CSMD1: variants seen among roughly 807,000 people sequenced by gnomAD.
The protein encoded by CSMD1 is CUB and sushi domain-containing protein 1.
CSMD1 carries 213 observed loss-of-function variants against 417.5 expected under a neutral mutation model. That is an observed-to-expected ratio of 0.51 (90% CI 0.46 to 0.57). The LOEUF is 0.57. Among genes scored for constraint, CSMD1 ranks in the 20% least tolerant of loss-of-function variants. The probability of loss-of-function intolerance (pLI) is 0.00; values close to 1 mark genes in which losing one functional copy is unlikely to be tolerated. For missense variants in CSMD1, 6,923 were observed against 4,529.7 expected (o/e 1.53, Z -15.17); for synonymous variants, 2,862 against 1,736.8 (o/e 1.65, Z -16.11).
chr8:4,597,758 T>G (rs1186210608), intron 2 of CSMD1, among the ~76,000 whole-genome samples: 1 of 152,098 alleles, frequency 6.6e-6, no homozygotes, highest in Non-Finnish European at 1.5e-5. Context: ...TACTTCAGTT[T>G]AAAAAGTAAT....
intron 29 of CSMD1, among the ~76,000 whole-genome samples, chr8:3,216,015 C>G (rs923846260): frequency 6.7e-6 from 1 of 148,790 alleles, no homozygotes; most frequent in African/African-American, 2.4e-5. Context: ...ACTATATTTC[C>G]TATATAATTT....
chr8:4,170,630 A>AT (rs1797717745), intron 3 of CSMD1, among the ~76,000 whole-genome samples: 1 of 151,864 alleles, frequency 6.6e-6, no homozygotes, highest in African/African-American at 2.4e-5. Flanking sequence ...GGTGGAAAAC[A>AT]TTTGTTTTAT....
chr8:2,969,238 T>C (rs1334233966), intron 57 of CSMD1, among the ~76,000 whole-genome samples: 1 of 152,216 alleles, frequency 6.6e-6, no homozygotes, highest in Admixed American at 6.5e-5. Context: ...TTGTAGCTTA[T>C]GCTATTGTTA....
chr8:2,942,522 A>G lies in CSMD1; in HGVS notation c.10485T>C (p.Pro3495=), dbSNP rs751450586. ...ACCCTGATAAAATTAGAGCAAAGAAAGGAACCAGAATGGCAGCCGCCACAG... is the reference window on the plus strand; with the variant it reads ...ACCCTGATAAAATTAGAGCAAAGAAGGGAACCAGAATGGCAGCCGCCACAG... The part of the protein sequence containing the change: ...SGSVAAAILV[P]FFALILSGFA... Residue 3495 remains proline, a synonymous_variant, in exon 69 of 70, where the codon CCT becomes CCC. Transcript: ENST00000635120. The G allele has an allele frequency of 1.2e-6, 2 of 1,612,206 alleles. No individual in the cohort carries two copies. The highest frequency in any genetic ancestry group is 2.2e-5 in the South Asian group (2 of 90,662).
At chr8:4,440,877 G>C (rs997849767) in intron 2 of CSMD1, among the ~76,000 whole-genome samples, 1 of 151,348 alleles carries the variant, frequency 6.6e-6, no homozygotes, top group African/African-American at 2.4e-5. Flanking sequence ...AATGCCTATA[G>C]TCCCAGCTAC....
At chr8:4,299,878 C>T (rs1452405346) in intron 3 of CSMD1, among the ~76,000 whole-genome samples, 1 of 152,134 alleles carries the variant, frequency 6.6e-6, no homozygotes, top group Admixed American at 6.5e-5. Context: ...ATCTGCCCAC[C>T]TCAGCCTCCC....
chr8:3,995,879 G>A (rs1815175444), intron 5 of CSMD1, among the ~76,000 whole-genome samples: 1 of 152,190 alleles, frequency 6.6e-6, no homozygotes, highest in African/African-American at 2.4e-5. Context: ...AGTTCCCACT[G>A]ATAACTTTCC....
chr8:3,500,485 G>A (rs569590252), intron 10 of CSMD1, among the ~76,000 whole-genome samples: 2 of 152,204 alleles, frequency 1.3e-5, no homozygotes, highest in Non-Finnish European at 2.9e-5. Flanking sequence ...CTCTGTCAGA[G>A]TATCAAAGGA....
chr8:4,144,524 A>AC (rs1448363957), intron 3 of CSMD1, among the ~76,000 whole-genome samples: 1 of 150,836 alleles, frequency 6.6e-6, no homozygotes, highest in Non-Finnish European at 1.5e-5. Context: ...TCACCTCATT[A>AC]CCCCTTCCCT....
chr8:3,111,767 G>C (rs1020416714), intron 42 of CSMD1, among the ~76,000 whole-genome samples: 2 of 152,098 alleles, frequency 1.3e-5, no homozygotes, highest in African/African-American at 4.8e-5. Flanking sequence ...GGGAGGCAGA[G>C]GGTGTAGTAA....
chr8:4,937,723 C>A (rs59209245), intron 1 of CSMD1, among the ~76,000 whole-genome samples: 1 of 152,020 alleles, frequency 6.6e-6, no homozygotes, highest in African/African-American at 2.4e-5. Flanking sequence ...GACTTTACGC[C>A]TGAGCAGAGT....
chr8:3,189,878 T>G, intron 34 of CSMD1, 34 bp downstream of exon 34: 1 of 1,533,338 alleles, frequency 6.5e-7, no homozygotes, highest in Admixed American at 2.0e-5. Context: ...CACCACAGAG[T>G]TCTGGCGGGC....
chr8:4,873,688 G>A (rs777632229), intron 1 of CSMD1, among the ~76,000 whole-genome samples: 1 of 152,042 alleles, frequency 6.6e-6, no homozygotes, highest in Admixed American at 6.5e-5. Flanking sequence ...TGATGATACA[G>A]TAGAGAACTA....
intron 3 of CSMD1, among the ~76,000 whole-genome samples, chr8:4,245,813 T>C (rs1043031483): frequency 6.6e-6 from 1 of 152,194 alleles, no homozygotes; most frequent in Non-Finnish European, 1.5e-5. Context: ...CAAAAAATTA[T>C]TGACAAGTGT....
At chr8:4,611,446 A>G (rs1801164225) in intron 2 of CSMD1, among the ~76,000 whole-genome samples, 1 of 152,192 alleles carries the variant, frequency 6.6e-6, no homozygotes. Flanking sequence ...AACATTTCTC[A>G]GTGTGTACCA....
chr8:3,269,356 C>T (rs1044097903), intron 26 of CSMD1, among the ~76,000 whole-genome samples: 3 of 152,212 alleles, frequency 2.0e-5, no homozygotes, highest in Admixed American at 6.5e-5. Context: ...TTGTGCTGCC[C>T]TTCATAGGCA....
At chr8:3,620,332 A>G (rs1802362368) in intron 7 of CSMD1, among the ~76,000 whole-genome samples, 1 of 152,158 alleles carries the variant, frequency 6.6e-6, no homozygotes, top group Non-Finnish European at 1.5e-5. Context: ...TTGAAGCCTC[A>G]TGAAAAGAAA....
At chr8:3,154,124 G>A (rs995342069) in intron 39 of CSMD1, among the ~76,000 whole-genome samples, 4 of 152,090 alleles carry the variant, frequency 2.6e-5, no homozygotes, top group African/African-American at 7.2e-5. Context: ...CCACAACTGC[G>A]ACTACGCCTG....
intron 1 of CSMD1, among the ~76,000 whole-genome samples, chr8:4,915,429 T>C (rs564240439): frequency 6.6e-6 from 1 of 152,288 alleles, no homozygotes; most frequent in South Asian, 2.1e-4. Flanking sequence ...TGTTGTCGAG[T>C]ATAGATTGGA....
Sources: allele counts gnomAD v4.1 joint callset (sites outside exome capture counted in the v4.1 genomes callset), GRCh38; gene constraint gnomAD v4.1.1; transcripts MANE v1.5; gene names NCBI Gene and HGNC (gene_info 2026-07-23, HGNC 2026-07-21).